RGS12: variants seen among roughly 807,000 people sequenced by gnomAD.
The protein encoded by RGS12 is regulator of G-protein signaling 12.
RGS12 carries 66 observed loss-of-function variants against 120.1 expected under a neutral mutation model. The ratio of observed to expected loss-of-function variants is 0.55; its 90% CI spans 0.45 to 0.67. The LOEUF (loss-of-function observed/expected upper bound fraction) is 0.67. Among genes scored for constraint, RGS12 ranks in the 30% least tolerant of loss-of-function variants. The pLI is 0.00. For missense variants in RGS12, 1,859 were observed against 1,957.7 expected (o/e 0.95, Z 0.95); for synonymous variants, 827 against 804.7 (o/e 1.03, Z -0.47).
intron 1 of RGS12, among the ~76,000 whole-genome samples, chr4:3,313,341 G>A (rs992190526): frequency 6.6e-6 from 1 of 152,226 alleles, no homozygotes; most frequent in Non-Finnish European, 1.5e-5. Context: ...TTCATGACCT[G>A]CTGTCCTGGG....
chr4:3,417,633 C>A, intron 9 of RGS12, 92 bp downstream of exon 9: 1 of 1,411,088 alleles, frequency 7.1e-7, no homozygotes. Flanking sequence ...TGACCTTGGG[C>A]CATGTGTGCA....
In RGS12 at chr4:3,430,659, C is replaced by G. The variant is rs768871069; in HGVS notation, c.3818C>G (p.Thr1273Ser). The change falls in exon 17 of 18, where the codon ACC becomes AGC. Residue 1273 changes from threonine to serine, a missense_variant. By Grantham distance (58) the Thr-to-Ser change is moderately conservative (BLOSUM62 1). Transcript: ENST00000336727. ...PVQESSDSPS[T>S]SPGSASSPPG... ...CAGGAGAGCAGCGACAGCCCGTCCA[C>G]CAGCCCGGGCTCAGCCTCCAGCCCC... 3 of 1,592,882 alleles carry G rather than the reference C, an allele frequency of 1.9e-6. No homozygotes were observed. The highest frequency in any genetic ancestry group is 2.6e-6 in the Non-Finnish European group (3 of 1,169,020).
chr4:3,291,628 C>T (rs1723027887), upstream of RGS12, among the ~76,000 whole-genome samples: 1 of 152,174 alleles, frequency 6.6e-6, no homozygotes, highest in African/African-American at 2.4e-5. Context: ...ATTACTGGCA[C>T]GAGTCACCGC....
At chr4:3,438,873 G>A (rs929147303) in intron 17 of RGS12, among the ~76,000 whole-genome samples, 10 of 152,284 alleles carry the variant, frequency 6.6e-5, no homozygotes, top group South Asian at 2.1e-4. Context: ...GAGGGGACAC[G>A]ACCGGGAGGC....
At chr4:3,335,925 A>AC (rs1712409594) in intron 2 of RGS12, among the ~76,000 whole-genome samples, 1 of 152,214 alleles carries the variant, frequency 6.6e-6, no homozygotes, top group East Asian at 1.9e-4. Flanking sequence ...CCCCGTCTCT[A>AC]CTAAAAATAC....
At chr4:3,424,285 A>C (rs1723367074) in intron 13 of RGS12, among the ~76,000 whole-genome samples, 1 of 152,264 alleles carries the variant, frequency 6.6e-6, no homozygotes, top group Admixed American at 6.5e-5. Context: ...TATTGGAGCA[A>C]TGATTTCAAG....
At chr4:3,360,564 G>A (rs914997133) in intron 3 of RGS12, among the ~76,000 whole-genome samples, 1 of 152,034 alleles carries the variant, frequency 6.6e-6, no homozygotes, top group Non-Finnish European at 1.5e-5. Context: ...TTGGTATGTT[G>A]TATTTTCATT....
chr4:3,340,390 G>A (rs1712940461), intron 2 of RGS12, among the ~76,000 whole-genome samples: 1 of 152,370 alleles, frequency 6.6e-6, no homozygotes, highest in South Asian at 2.1e-4. Flanking sequence ...AGGACGCTGG[G>A]GAGTCTTAAC....
chr4:3,299,825 A>G (rs559177279), intron 1 of RGS12, among the ~76,000 whole-genome samples: 5 of 152,288 alleles, frequency 3.3e-5, no homozygotes, highest in African/African-American at 9.6e-5. Flanking sequence ...TGCGAGCACC[A>G]TAAGGATAGG....
chr4:3,357,825 G>A (rs1337002598), intron 3 of RGS12, among the ~76,000 whole-genome samples: 1 of 152,004 alleles, frequency 6.6e-6, no homozygotes, highest in African/African-American at 2.4e-5. Flanking sequence ...AAGATTGTTT[G>A]GGCTATTTAG....
intron 3 of RGS12, among the ~76,000 whole-genome samples, chr4:3,352,369 G>C (rs1490428365): frequency 1.3e-5 from 2 of 152,178 alleles, no homozygotes; most frequent in African/African-American, 4.8e-5. Flanking sequence ...AAAGGGCTCA[G>C]TTGAGTGCCT....
Position 3,390,547 on chromosome 4 carries a change from C to T in RGS12, c.2020+4110C>T, listed in dbSNP as rs73193383. ...AGAAACTCCTGTGTGACTGGTGTTG[C>T]GGGGTGGACCCACTGCCGCCGCCTC... On this transcript the variant is annotated intron_variant, in intron 4 of 17. Coordinates refer to ENST00000336727, the MANE Select transcript of RGS12 (RefSeq NM_001394154.1). This position sits in a 1 kb window ranked among gnomAD's most constrained non-coding sequence, Gnocchi z 4.6. Among the ~76,000 whole-genome samples the T allele has an allele frequency of 0.078, 11,851 of 152,308 alleles. 675 individuals carry two copies. Among genetic ancestry groups the T allele is most frequent in the East Asian group, 0.28 (1,431 of 5,166 alleles).
At chr4:3,414,595 G>A (rs1049769675) in intron 5 of RGS12, 157 bp from the exon 6 acceptor site, 45 of 639,140 alleles carry the variant, frequency 7.0e-5, no homozygotes, top group South Asian at 1.5e-4. Context: ...GCAGCAGTGC[G>A]GTTCCCTAAA....
chr4:3,334,144 G>A (rs983731063), intron 2 of RGS12, among the ~76,000 whole-genome samples: 1 of 152,312 alleles, frequency 6.6e-6, no homozygotes, highest in East Asian at 1.9e-4. Flanking sequence ...CAGCTCTTAT[G>A]ATATGTGGAA....
intron 1 of RGS12, among the ~76,000 whole-genome samples, chr4:3,305,633 G>A (rs910288986): frequency 5.9e-5 from 9 of 152,102 alleles, no homozygotes; most frequent in Non-Finnish European, 1.3e-4. Context: ...ATGGAGGCAG[G>A]AAGGAGCCTC....
chr4:3,319,569 T>C (rs115704629), intron 2 of RGS12, among the ~76,000 whole-genome samples: 2,853 of 152,170 alleles, frequency 0.019, 69 homozygotes, highest in African/African-American at 0.061. Flanking sequence ...CTGGGACTAC[T>C]GAGTAGCTGG....
intron 2 of RGS12, among the ~76,000 whole-genome samples, chr4:3,336,113 A>G (rs1712432666): frequency 1.3e-5 from 2 of 152,012 alleles, no homozygotes; most frequent in Admixed American, 1.3e-4. Flanking sequence ...AGGCAAACAA[A>G]CAAACAAACA....
chr4:3,416,651 T>C (rs769149617), intron 7 of RGS12, among the ~76,000 whole-genome samples: 6 of 152,220 alleles, frequency 3.9e-5, no homozygotes, highest in Non-Finnish European at 7.3e-5. Flanking sequence ...CTGCTCGTGT[T>C]GATGGCTTCT....
chr4:3,303,513 G>C (rs932681250), intron 1 of RGS12, among the ~76,000 whole-genome samples: 3 of 151,680 alleles, frequency 2.0e-5, no homozygotes, highest in Non-Finnish European at 4.4e-5. Context: ...CATGGACTCT[G>C]GGTCCTTGGA....
Sources: gnomAD v4.1 joint callset for allele counts (sites outside exome capture counted in the v4.1 genomes callset) on GRCh38, gnomAD v4.1.1 for gene constraint, Gnocchi (gnomAD v3.1) non-coding constraint, MANE v1.5 for transcripts, NCBI Gene and HGNC (gene_info 2026-07-23, HGNC 2026-07-21) for gene names.